ITFG1: variants seen among roughly 807,000 people sequenced by gnomAD.
ITFG1 encodes integrin alpha FG-GAP repeat containing 1, also known as T-cell immunomodulatory protein.
Under a neutral mutation model 81.8 loss-of-function variants are expected in ITFG1, and 34 were observed. The observed-to-expected ratio is 0.42, with a 90% CI of 0.32 to 0.55. The LOEUF is 0.55. Ranked by LOEUF, ITFG1 falls within the 20% of genes least tolerant of loss-of-function variation. The pLI is 0.17. For missense variants in ITFG1, 672 were observed against 755.4 expected (o/e 0.89, Z 1.29); for synonymous variants, 285 against 270.6 (o/e 1.05, Z -0.52).
chr16:47,412,337 A>C (rs1022337600), intron 6 of ITFG1, among the ~76,000 whole-genome samples: 1 of 152,182 alleles, frequency 6.6e-6, no homozygotes, highest in Non-Finnish European at 1.5e-5. Context: ...AGAAAACTGA[A>C]ACCCAATCTA....
In ITFG1 at chr16:47,461,056, C is replaced by G; in HGVS notation, c.-11G>C. The G allele has an allele frequency of 1.3e-6, 2 of 1,523,912 alleles. No homozygotes were observed. The highest frequency in any genetic ancestry group is 1.8e-6 in the Non-Finnish European group (2 of 1,140,746). The allele number at this position is 1,523,912 out of a possible 1,614,324, so 94.4% of individuals were successfully genotyped here. A position where few individuals can be genotyped will look rare whatever the true frequency, so the allele number is the denominator to read the frequency against. ...GCCCGCCGCCGCCATGGCAGCCCCT[C>G]AGCCCCCGCCCGCCGGCCCAACGCC... On this transcript the variant is annotated 5_prime_UTR_variant, in exon 1 of 18. Coordinates refer to ENST00000320640, the MANE Select transcript of ITFG1 (RefSeq NM_030790.5).
In ITFG1 at chr16:47,260,701, C is replaced by A. The variant is rs760164428; in HGVS notation, c.1071-6G>T. The stretch of plus-strand genomic sequence containing the variant: ...GTAAAAAGGCCTGCTGGTTGCTGTG[C>A]GCCAAAGGAAAGGCATTTCGTTAAT... On this transcript the variant is annotated splice_region_variant and splice_polypyrimidine_tract_variant and intron_variant, in intron 10 of 17. Transcript: ENST00000320640. 3 of 1,613,940 alleles carry A rather than the reference C, an allele frequency of 1.9e-6. No individual in the cohort carries two copies. The highest frequency in any genetic ancestry group is 1.1e-5 in the South Asian group (1 of 91,076).
chr16:47,278,739 G>C (rs1400683759), intron 10 of ITFG1, among the ~76,000 whole-genome samples: 1 of 152,182 alleles, frequency 6.6e-6, no homozygotes, highest in Non-Finnish European at 1.5e-5. Context: ...GAGGAAGGGA[G>C]AGACTTACCA....
At chr16:47,459,058 T>C (rs1200764846) in intron 2 of ITFG1, 45 bp downstream of exon 2, 4 of 1,167,034 alleles carry the variant, frequency 3.4e-6, no homozygotes, top group South Asian at 1.2e-5. Flanking sequence ...TCCATTATTA[T>C]ATTAATGACT....
At position 47,162,525 on chromosome 16, in the gene ITFG1, T is replaced by A. The variant is rs1228551009; in HGVS notation, c.1578+15A>T. 6.3e-7 allele frequency: 1 copy of A among 1,583,214 alleles called. No individual in the cohort carries two copies. Among genetic ancestry groups the A allele is most frequent in the East Asian group, 2.3e-5 (1 of 44,320 alleles). The stretch of plus-strand genomic sequence containing the variant: ...AAACATAGATTAATTGTAAACAAAA[T>A]GAATTTTTACTCACTTTTTCTCCAG... On this transcript the variant is annotated intron_variant, in intron 15 of 17. Coordinates refer to ENST00000320640, the MANE Select transcript of ITFG1 (RefSeq NM_030790.5).
In ITFG1 at chr16:47,349,327, G is replaced by A. The variant is rs547451515; in HGVS notation, c.802+16461C>T. 5.3e-5 allele frequency among the ~76,000 whole-genome samples: 8 copies of A among 151,960 alleles called. No homozygotes were observed. In the South Asian group the frequency reaches 1.7e-3, roughly 31 times the overall value. On this transcript the variant is annotated intron_variant, in intron 8 of 17. Transcript: ENST00000320640. The stretch of plus-strand genomic sequence containing the variant: ...ATTCAGGAAACCCATCTCATGTGCA[G>A]AGACACACATAGGCTCAAAATAAAG...
At chr16:47,265,817 T>C (rs186471879) in intron 10 of ITFG1, among the ~76,000 whole-genome samples, 58 of 152,156 alleles carry the variant, frequency 3.8e-4, no homozygotes, top group African/African-American at 1.0e-3. Context: ...CGTTGTGAGA[T>C]TGGATTAAAA....
Position 47,311,174 on chromosome 16 carries a change from T to C in ITFG1, c.1070+66A>G, listed in dbSNP as rs927495446. 1.5e-5 allele frequency: 18 copies of C among 1,182,974 alleles called. No individual in the cohort carries two copies. In the East Asian group the frequency reaches 4.2e-4, roughly 27 times the overall value. The allele number at this position is 1,182,974 out of a possible 1,614,324, so 73.3% of individuals were successfully genotyped here. ...ATTTAGGTACTATTCAGTTGCAAAG[T>C]ACCATGGTTTGCAAATATTTCTCAC... is the stretch of plus-strand genomic sequence containing the variant. On this transcript the variant is annotated intron_variant, in intron 10 of 17. Transcript: ENST00000320640.
chr16:47,211,622 A>G (rs1965561818), intron 14 of ITFG1, among the ~76,000 whole-genome samples: 1 of 152,320 alleles, frequency 6.6e-6, no homozygotes, highest in South Asian at 2.1e-4. Flanking sequence ...GTCTTTTATC[A>G]TTAAGCATAA....
chr16:47,331,527 T>C (rs1193395270), intron 8 of ITFG1, among the ~76,000 whole-genome samples: 4 of 152,222 alleles, frequency 2.6e-5, no homozygotes, highest in Middle Eastern at 3.4e-3. Context: ...AGAAAAGGGC[T>C]CCATTACAGT....
chr16:47,298,244 CT>C (rs972174637), intron 10 of ITFG1, among the ~76,000 whole-genome samples: 4 of 152,094 alleles, frequency 2.6e-5, no homozygotes, highest in Non-Finnish European at 1.5e-5. Context: ...TTCATCAGTA[CT>C]GGTTTTCAGA....
intron 10 of ITFG1, among the ~76,000 whole-genome samples, chr16:47,296,032 G>A (rs1255700333): frequency 2.6e-5 from 4 of 152,078 alleles, no homozygotes; most frequent in Non-Finnish European, 5.9e-5. Context: ...CCAGGTAGCT[G>A]AGTCTACAGG....
intron 10 of ITFG1, among the ~76,000 whole-genome samples, chr16:47,286,640 CAA>C (rs879832193): frequency 6.8e-5 from 9 of 131,518 alleles, no homozygotes; most frequent in Non-Finnish European, 5.0e-5. Context: ...AACCCTGCCT[CAA>C]AAAAAAAAAA....
intron 14 of ITFG1, among the ~76,000 whole-genome samples, chr16:47,205,848 CTA>C (rs761685089): frequency 7.9e-6 from 1 of 125,910 alleles, no homozygotes; most frequent in African/African-American, 2.6e-5. Flanking sequence ...ATCTATCTAT[CTA>C]TCTATCTATC....
intron 7 of ITFG1, among the ~76,000 whole-genome samples, chr16:47,370,021 T>C (rs1273203009): frequency 6.6e-6 from 1 of 151,974 alleles, no homozygotes; most frequent in African/African-American, 2.4e-5. Context: ...TTTGTGTTTT[T>C]AGTACGGACG....
chr16:47,359,503 T>A lies in ITFG1; in HGVS notation c.802+6285A>T, dbSNP rs540619576. Reference sequence around the variant, plus strand: ...TTTCTTGTCAACTTTGTCTCCAATATGTCCTAAATAAGACTATTTCTATCC... The same window carrying A: ...TTTCTTGTCAACTTTGTCTCCAATAAGTCCTAAATAAGACTATTTCTATCC... On this transcript the variant is annotated intron_variant, in intron 8 of 17. Coordinates refer to ENST00000320640, the MANE Select transcript of ITFG1 (RefSeq NM_030790.5). 8.5e-4 allele frequency among the ~76,000 whole-genome samples: 130 copies of A among 152,348 alleles called. 1 individual carries two copies. The highest frequency in any genetic ancestry group is 3.0e-3 in the African/African-American group (124 of 41,590).
chr16:47,328,742 A>C (rs1967597067), intron 8 of ITFG1, among the ~76,000 whole-genome samples: 1 of 152,168 alleles, frequency 6.6e-6, no homozygotes, highest in Non-Finnish European at 1.5e-5. Context: ...AATCATTTTA[A>C]GATTAGCACA....
chr16:47,329,175 T>G (rs1434960855), intron 8 of ITFG1, among the ~76,000 whole-genome samples: 2 of 152,172 alleles, frequency 1.3e-5, no homozygotes, highest in Non-Finnish European at 2.9e-5. Flanking sequence ...CAATCTAGGA[T>G]TTTATATTTG....
At chr16:47,287,745 T>C (rs1966875654) in intron 10 of ITFG1, among the ~76,000 whole-genome samples, 2 of 152,132 alleles carry the variant, frequency 1.3e-5, no homozygotes, top group Non-Finnish European at 2.9e-5. Context: ...TGTGAAGTGG[T>C]ATCTAATTGT....
Sources: gnomAD v4.1 joint callset for allele counts (sites outside exome capture counted in the v4.1 genomes callset) on GRCh38, gnomAD v4.1.1 for gene constraint, MANE v1.5 for transcripts, NCBI Gene and HGNC (gene_info 2026-07-23, HGNC 2026-07-21) for gene names.